The following SRSF6 variants were observed in gnomAD, a reference collection of about 807,000 sequenced individuals.
The protein encoded by SRSF6 is serine/arginine-rich splicing factor 6.
Under a neutral mutation model 42.0 loss-of-function variants are expected in SRSF6, and 17 were observed. The ratio of observed to expected loss-of-function variants is 0.40; its 90% CI spans 0.28 to 0.61. SRSF6 has a LOEUF of 0.61. Among genes scored for constraint, SRSF6 ranks in the 20% least tolerant of loss-of-function variants. The pLI is 0.37. For missense variants in SRSF6, 379 were observed against 471.4 expected, an observed-to-expected ratio of 0.80 and a Z score of 1.81; for synonymous variants, 204 against 166.7, an observed-to-expected ratio of 1.22 and a Z score of -1.72.
rs1423862598 is a variant in SRSF6 at position 43,458,290 on chromosome 20, A to G, written c.108-71A>G. Reference sequence around the variant, plus strand: ...GCGTCGCGGGGGCGCGCGGTGGGGTACGGGCGCGCGCACGTGCGCGTCCTG... The same window carrying G: ...GCGTCGCGGGGGCGCGCGGTGGGGTGCGGGCGCGCGCACGTGCGCGTCCTG... On this transcript the variant is annotated intron_variant, in intron 1 of 5. Coordinates refer to ENST00000244020, the MANE Select transcript of SRSF6 (RefSeq NM_006275.6). The G allele has an allele frequency of 9.9e-6, 14 of 1,416,814 alleles. No individual in the cohort carries two copies. In the East Asian group the frequency reaches 2.3e-4, roughly 24 times the overall value. 87.8% of individuals were successfully genotyped at this position (1,416,814 alleles called of 1,614,324 possible).
rs941024207 is a variant in SRSF6, at chr20:43,463,179, G to T, written c.*2116G>T. The T allele has an allele frequency of 2.6e-5, 4 of 154,466 alleles. No individual in the cohort carries two copies. Among genetic ancestry groups the T allele is most frequent in the Admixed American group, 2.0e-4 (3 of 15,274 alleles). The allele number at this position is 154,466 out of a possible 1,614,324, so 9.6% of individuals were successfully genotyped here. A position where few individuals can be genotyped will look rare whatever the true frequency, so the allele number is the denominator to read the frequency against. On this transcript the variant is annotated 3_prime_UTR_variant, in exon 6 of 6. Transcript: ENST00000244020. ...TAAGCAGGTCATTGTATAGGTAAAT[G>T]CCTGCACCCATAATTTTCTAGTAAT... is the stretch of plus-strand genomic sequence containing the variant.
intron 4 of SRSF6, 133 bp downstream of exon 4, chr20:43,460,374 T>A: frequency 7.4e-7 from 1 of 1,350,192 alleles, no homozygotes; most frequent in Non-Finnish European, 1.0e-6. Context: ...ATCATTGCGT[T>A]CTTTTCTGGA....
rs899574233 is a variant in SRSF6 at position 43,460,016 on chromosome 20, C to T, written c.382-17C>T. 2.5e-6 allele frequency: 4 copies of T among 1,613,938 alleles called. No individual in the cohort carries two copies. In the African/African-American group the frequency reaches 5.3e-5, roughly 22 times the overall value. Reference sequence around the variant, plus strand: ...GATGTTTTAAGATTTCCGAGTCTGACCAATCTTGTCTTTCAGGATTTTATG... The same window carrying T: ...GATGTTTTAAGATTTCCGAGTCTGATCAATCTTGTCTTTCAGGATTTTATG... On this transcript the variant is annotated splice_polypyrimidine_tract_variant and intron_variant, in intron 3 of 5. Transcript: ENST00000244020.
chr20:43,460,947 G>C lies in SRSF6; in HGVS notation c.919G>C (p.Val307Leu), dbSNP rs199591191. ...SQSRSNSPLP[V>L]PPSKARSVSP... ...GTCCCGTTCCAATTCGCCGCTACCT[G>C]TTCCACCCTCAAAGGCCCGTTCTGT... The change falls in exon 6 of 6, where the codon GTT becomes CTT. Residue 307 changes from valine (V) to leucine (L), a missense_variant. This residue lies in a region of SRSF6 where 219 missense variants were observed against 216.1 expected (regional missense o/e 1.01). Transcript: ENST00000244020. The C allele has an allele frequency of 6.2e-7, 1 of 1,613,998 alleles. No individual in the cohort carries two copies. The highest frequency in any genetic ancestry group is 8.5e-7 in the Non-Finnish European group (1 of 1,180,020).
rs2017521888 is a variant in SRSF6, at chr20:43,457,953, C to A, written c.-81C>A. The stretch of plus-strand genomic sequence containing the variant: ...GTGAGGCGCGTGTTCGGGCTCTTGC[C>A]GTCCCCGCACCCGCACCGCGGTTAC... On this transcript the variant is annotated 5_prime_UTR_variant, in exon 1 of 6. Transcript: ENST00000244020. 2 of 1,212,302 alleles carry A rather than the reference C, an allele frequency of 1.6e-6. No individual in the cohort carries two copies. Among genetic ancestry groups the A allele is most frequent in the Non-Finnish European group, 1.2e-6 (1 of 841,508 alleles). The allele number at this position is 1,212,302 out of a possible 1,614,324, so 75.1% of individuals were successfully genotyped here.
chr20:43,460,152 T>C lies in SRSF6; in HGVS notation c.501T>C (p.Asp167=). 4 of 1,614,210 alleles carry C rather than the reference T, an allele frequency of 2.5e-6. No homozygotes were observed. Among genetic ancestry groups the C allele is most frequent in the Non-Finnish European group, 3.4e-6 (4 of 1,180,042 alleles). ...TGAAGCGTGCTTTGGACAAACTGGA[T>C]GGCACAGAAATAAATGGCAGAAATA... ...SDMKRALDKL[D]GTEINGRNIR... Residue 167 remains aspartate, a synonymous_variant, in exon 4 of 6, where the codon GAT becomes GAC. Coordinates refer to ENST00000244020, the MANE Select transcript of SRSF6 (RefSeq NM_006275.6).
Position 43,461,337 on chromosome 20 carries a change from GTTTTTTTTTTTTTTTTTTTT to G in SRSF6, c.*292_*311del, listed in dbSNP as rs57110045. 21 of 43,844 alleles carry G rather than the reference GTTTTTTTTTTTTTTTTTTTT, an allele frequency of 4.8e-4. No individual in the cohort carries two copies. The highest frequency in any genetic ancestry group is 9.7e-4 in the South Asian group (1 of 1,030). 2.7% of individuals were successfully genotyped at this position (43,844 alleles called of 1,614,324 possible). Reference sequence around the variant, plus strand: ...GTAAAGATTAAGCTCATTTAGTGTTGTTTTTTTTTTTTTTTTTTTTTTTTTTTTTTTTTTTTTAGTATTTC... The same window carrying G: ...GTAAAGATTAAGCTCATTTAGTGTTGTTTTTTTTTTTTTTTTTAGTATTTC... On this transcript the variant is annotated 3_prime_UTR_variant, in exon 6 of 6. Transcript: ENST00000244020.
rs1345590986 is a variant in SRSF6 at position 43,462,910 on chromosome 20, A to T, written c.*1847A>T. The T allele has an allele frequency of 6.7e-6, 1 of 149,902 alleles. No homozygotes were observed. The highest frequency in any genetic ancestry group is 2.4e-5 in the African/African-American group (1 of 41,328). The allele number at this position is 149,902 out of a possible 1,614,324, so 9.3% of individuals were successfully genotyped here. ...AAAATGATGTCTGTTGTTATAGTTC[A>T]TTGTTTTGCCTACTCAGCAGAAGTG... is the stretch of plus-strand genomic sequence containing the variant. On this transcript the variant is annotated 3_prime_UTR_variant, in exon 6 of 6. Transcript: ENST00000244020.
At position 43,461,318 on chromosome 20, in the gene SRSF6, A is replaced by T; in HGVS notation, c.*255A>T. ...TTGAGCTAACGTAACTTTTGTAAAGATTAAGCTCATTTAGTGTTGTTTTTT... is the reference window on the plus strand; with the variant it reads ...TTGAGCTAACGTAACTTTTGTAAAGTTTAAGCTCATTTAGTGTTGTTTTTT... On this transcript the variant is annotated 3_prime_UTR_variant, in exon 6 of 6. Coordinates refer to ENST00000244020, the MANE Select transcript of SRSF6 (RefSeq NM_006275.6). 2 of 144,288 alleles carry T rather than the reference A, an allele frequency of 1.4e-5. No homozygotes were observed. Among genetic ancestry groups the T allele is most frequent in the Non-Finnish European group, 2.4e-5 (2 of 81,850 alleles). The allele number at this position is 144,288 out of a possible 1,614,324, so 8.9% of individuals were successfully genotyped here.
chr20:43,459,570 G>T, intron 2 of SRSF6: 1 of 1,296,916 alleles, frequency 7.7e-7, no homozygotes, highest in Non-Finnish European at 1.0e-6. Flanking sequence ...CAGATTGTAG[G>T]AGAGGTTTAG....
intron 2 of SRSF6, chr20:43,459,566 G>A (rs1568900041): frequency 2.3e-6 from 3 of 1,295,460 alleles, no homozygotes; most frequent in Non-Finnish European, 3.1e-6. Flanking sequence ...CTAACAGATT[G>A]TAGGAGAGGT....
In SRSF6 at chr20:43,462,761, A is replaced by G. The variant is rs1286201234; in HGVS notation, c.*1698A>G. ...AAAATCTTAAAGCCCAACCTTAGGAATATAGTGCCCCAAAAGGCGGATGCT... is the reference window on the plus strand; with the variant it reads ...AAAATCTTAAAGCCCAACCTTAGGAGTATAGTGCCCCAAAAGGCGGATGCT... On this transcript the variant is annotated 3_prime_UTR_variant, in exon 6 of 6. Coordinates refer to ENST00000244020, the MANE Select transcript of SRSF6 (RefSeq NM_006275.6). The G allele has an allele frequency of 1.3e-5, 2 of 152,388 alleles. No homozygotes were observed. Among genetic ancestry groups the G allele is most frequent in the East Asian group, 1.9e-4 (1 of 5,190 alleles). The allele number at this position is 152,388 out of a possible 1,614,324, so 9.4% of individuals were successfully genotyped here.
Position 43,462,207 on chromosome 20 carries a change from G to T in SRSF6, c.*1144G>T, listed in dbSNP as rs1204854339. On this transcript the variant is annotated 3_prime_UTR_variant, in exon 6 of 6. Transcript: ENST00000244020. ...AATTGGTTTGAAAAACAGTGAAATG[G>T]GTAAACGCAAAACTTTTGTACTTTA... 2 of 152,068 alleles carry T rather than the reference G, an allele frequency of 1.3e-5. No homozygotes were observed. Among genetic ancestry groups the T allele is most frequent in the African/African-American group, 2.4e-5 (1 of 41,390 alleles). The allele number at this position is 152,068 out of a possible 1,614,324, so 9.4% of individuals were successfully genotyped here.
intron 2 of SRSF6, chr20:43,459,282 C>T: frequency 7.4e-7 from 1 of 1,352,092 alleles, no homozygotes; most frequent in Non-Finnish European, 9.8e-7. Context: ...GAAGCCATGA[C>T]GACAGCAGCC....
rs560404722 is a variant in SRSF6, at chr20:43,458,028, A to G, written c.-6A>G. ...ACCAGCCCTTGGGTCCCCGCCCGCC[A>G]CGGACATGCCGCGCGTCTACATAGG... is the stretch of plus-strand genomic sequence containing the variant. On this transcript the variant is annotated 5_prime_UTR_variant, in exon 1 of 6. Coordinates refer to ENST00000244020, the MANE Select transcript of SRSF6 (RefSeq NM_006275.6). 67 of 1,609,362 alleles carry G rather than the reference A, an allele frequency of 4.2e-5. No homozygotes were observed. In the African/African-American group the frequency reaches 6.3e-4, roughly 15 times the overall value.
At position 43,461,670 on chromosome 20, in the gene SRSF6, A is replaced by G. The variant is rs1195740284; in HGVS notation, c.*607A>G. ...ACAAGGCAAGCCTCAGACCAGCAAT[A>G]AATTACTCAGTTTGGATAACATTAT... On this transcript the variant is annotated 3_prime_UTR_variant, in exon 6 of 6. Transcript: ENST00000244020. The G allele has an allele frequency of 1.3e-5, 2 of 152,644 alleles. No homozygotes were observed. Among genetic ancestry groups the G allele is most frequent in the Non-Finnish European group, 2.9e-5 (2 of 68,046 alleles). The allele number at this position is 152,644 out of a possible 1,614,324, so 9.5% of individuals were successfully genotyped here. A position where few individuals can be genotyped will look rare whatever the true frequency, so the allele number is the denominator to read the frequency against.
intron 4 of SRSF6, 102 bp from the exon 5 acceptor site, chr20:43,460,413 G>GTGTATTTAATTTGA: frequency 7.1e-7 from 1 of 1,407,158 alleles, no homozygotes; most frequent in Non-Finnish European, 9.9e-7. Context: ...TAATTTCGTA[G>GTGTATTTAATTTGA]TAAAGAAAAA....
At chr20:43,458,549 C>T (rs903933034) in intron 2 of SRSF6, 40 bp downstream of exon 2, 7 of 1,451,480 alleles carry the variant, frequency 4.8e-6, no homozygotes, top group African/African-American at 3.0e-5. Context: ...CTTGGGGACC[C>T]TGGGGGCGGG....
intron 2 of SRSF6, among the ~76,000 whole-genome samples, 164 bp downstream of exon 2, chr20:43,458,673 C>G (rs918729827): frequency 6.6e-6 from 1 of 152,150 alleles, no homozygotes; most frequent in Non-Finnish European, 1.5e-5. Flanking sequence ...CCATGGGACG[C>G]CGGAGCGCGG....
Sources: gnomAD v4.1 joint callset for allele counts (sites outside exome capture counted in the v4.1 genomes callset) on GRCh38, gnomAD v4.1.1 for gene constraint, gnomAD v4.1.1 regional missense constraint, MANE v1.5 for transcripts, NCBI Gene and HGNC (gene_info 2026-07-23, HGNC 2026-07-21) for gene names.